Variants in FAM135A observed in about 807,000 individuals in gnomAD.
The protein encoded by FAM135A is protein FAM135A.
A neutral mutation model predicts 146.8 loss-of-function variants in FAM135A; 79 were observed. That is an observed-to-expected ratio of 0.54 (90% CI 0.45 to 0.65). The LOEUF (loss-of-function observed/expected upper bound fraction) is 0.65. Among genes scored for constraint, FAM135A ranks in the 30% least tolerant of loss-of-function variants. The probability of loss-of-function intolerance (pLI) is 0.00; values close to 1 mark genes in which losing one functional copy is unlikely to be tolerated. For missense variants in FAM135A, 1,623 were observed against 1,758.2 expected (o/e 0.92, Z 1.38); for synonymous variants, 562 against 603.6 (o/e 0.93, Z 1.01).
intron 4 of FAM135A, 140 bp from the exon 5 acceptor site, chr6:70,452,352 T>C (rs1022083443): frequency 3.8e-5 from 24 of 625,802 alleles, no homozygotes; most frequent in Admixed American, 2.2e-4. Context: ...ATTTTTTTTT[T>C]CCAACAATAG....
At chr6:70,557,259 G>T in intron 21 of FAM135A, 2 of 280,738 alleles carry the variant, frequency 7.1e-6, no homozygotes, top group Admixed American at 5.0e-5. Context: ...TTGTTCTTTT[G>T]CTATTTGTGA....
intron 12 of FAM135A, among the ~76,000 whole-genome samples, chr6:70,511,459 A>G (rs1279903998): frequency 1.3e-5 from 2 of 151,958 alleles, no homozygotes; most frequent in Non-Finnish European, 2.9e-5. Flanking sequence ...ATTACATGCA[A>G]TGGAAAAAAT....
rs756184214 is a variant in FAM135A, at chr6:70,533,781, A to G, written c.3892A>G (p.Ser1298Gly). The G allele has an allele frequency of 4.5e-5, 72 of 1,587,436 alleles. No individual in the cohort carries two copies. The highest frequency in any genetic ancestry group is 1.7e-4 in the Middle Eastern group (1 of 6,022). The change falls in exon 18 of 22, where the codon AGC (serine) becomes GGC (glycine). Residue 1298 changes from serine (S) to glycine (G), a missense_variant. This residue lies in a region of FAM135A where 1,061 missense variants were observed against 1,113.8 expected (regional missense o/e 0.95). Transcript: ENST00000418814. ...NQNDTFADFD[S>G]MTDRLLDEII... Reference sequence around the variant, plus strand: ...GAATGATACTTTTGCTGATTTTGATAGCATGACTGATCGTCTTTTGGATGA... The same window carrying G: ...GAATGATACTTTTGCTGATTTTGATGGCATGACTGATCGTCTTTTGGATGA...
At chr6:70,414,441 C>G (rs1356281485) in intron 1 of FAM135A, among the ~76,000 whole-genome samples, 3 of 152,102 alleles carry the variant, frequency 2.0e-5, no homozygotes. Flanking sequence ...TGGCCCCTAT[C>G]CTCACGTCCT....
At chr6:70,517,209 A>G (rs1792471867) in intron 12 of FAM135A, among the ~76,000 whole-genome samples, 2 of 152,274 alleles carry the variant, frequency 1.3e-5, no homozygotes, top group African/African-American at 4.8e-5. Flanking sequence ...GTGTATATAT[A>G]CAAACCACAT....
At chr6:70,416,460 T>C (rs1391958872) in intron 2 of FAM135A, among the ~76,000 whole-genome samples, 30 of 152,184 alleles carry the variant, frequency 2.0e-4, no homozygotes, top group Admixed American at 1.7e-3. Context: ...GTTTAGGGGG[T>C]AGAAAAGCCA....
rs914873592 is a variant in FAM135A, at chr6:70,524,120, A to C, written c.1257A>C (p.Glu419Asp). 2 of 1,607,832 alleles carry C rather than the reference A, an allele frequency of 1.2e-6. No homozygotes were observed. Among genetic ancestry groups the C allele is most frequent in the African/African-American group, 2.7e-5 (2 of 74,626 alleles). Residue 419 changes from glutamate to aspartate, a missense_variant and splice_region_variant, in exon 14 of 22, where the codon GAA becomes GAC. By Grantham distance (45) the Glu-to-Asp change is conservative. Coordinates refer to ENST00000418814, the MANE Select transcript of FAM135A (RefSeq NM_001162529.3). The part of the protein sequence containing the change: ...FEDRYLDSVT[E>D]DLDAPWMGIQ... ...ATAGGTATTTAGATTCAGTTACTGA[A>C]GGTAAGTGTAATCTAACTAAAATAT...
intron 21 of FAM135A, chr6:70,557,792 T>C (rs1022450873): frequency 6.6e-6 from 1 of 152,058 alleles, no homozygotes; most frequent in Non-Finnish European, 1.5e-5. Context: ...TCTTAATCCT[T>C]TATTTTTCTA....
At position 70,533,803 on chromosome 6, in the gene FAM135A, A is replaced by G; in HGVS notation, c.3914A>G (p.Asp1305Gly). ...DFDSMTDRLL[D>G]EIIQYIQIYS... Reference sequence around the variant, plus strand: ...GATAGCATGACTGATCGTCTTTTGGATGAGATAATACAGTATATTCAGATA... The same window carrying G: ...GATAGCATGACTGATCGTCTTTTGGGTGAGATAATACAGTATATTCAGATA... Residue 1305 changes from aspartate to glycine, a missense_variant, in exon 18 of 22, where the codon GAT (aspartate) becomes GGT (glycine). Physicochemically the swap from Asp to Gly is moderately conservative, Grantham distance 94. This residue lies in a region of FAM135A where 1,061 missense variants were observed against 1,113.8 expected (regional missense o/e 0.95). Coordinates refer to ENST00000418814, the MANE Select transcript of FAM135A (RefSeq NM_001162529.3). 1 of 1,587,756 alleles carries G rather than the reference A, an allele frequency of 6.3e-7. No homozygotes were observed. Among genetic ancestry groups the G allele is most frequent in the South Asian group, 1.2e-5 (1 of 84,256 alleles).
chr6:70,485,034 C>T (rs1276361054), intron 10 of FAM135A, among the ~76,000 whole-genome samples: 2 of 152,000 alleles, frequency 1.3e-5, no homozygotes, highest in Admixed American at 1.3e-4. Flanking sequence ...AACTTTATTC[C>T]AAATTATTTG....
intron 12 of FAM135A, 88 bp downstream of exon 12, chr6:70,502,879 C>A: frequency 7.7e-7 from 1 of 1,296,976 alleles, no homozygotes; most frequent in Non-Finnish European, 1.1e-6. Context: ...TGATTTTTAC[C>A]TATATATTGA....
chr6:70,414,103 G>A (rs1766935959), intron 1 of FAM135A: 1 of 947,756 alleles, frequency 1.1e-6, no homozygotes, highest in Middle Eastern at 5.4e-4. Context: ...CGCCTCCCAC[G>A]TGTCTTTTTG....
intron 4 of FAM135A, among the ~76,000 whole-genome samples, chr6:70,438,985 C>A (rs780565935): frequency 1.3e-5 from 2 of 152,034 alleles, no homozygotes; most frequent in African/African-American, 2.4e-5. Flanking sequence ...TATAGTGAGG[C>A]CCTATCTACC....
chr6:70,469,048 CT>C (rs1248674464), intron 5 of FAM135A, among the ~76,000 whole-genome samples: 1 of 152,140 alleles, frequency 6.6e-6, no homozygotes, highest in Non-Finnish European at 1.5e-5. Context: ...CCCTCTTTTC[CT>C]TTCTTTATTT....
Position 70,477,224 on chromosome 6 carries a change from A to T in FAM135A, c.434A>T (p.His145Leu), listed in dbSNP as rs1383124303. 1 of 1,613,690 alleles carries T rather than the reference A, an allele frequency of 6.2e-7. No homozygotes were observed. Among genetic ancestry groups the T allele is most frequent in the Non-Finnish European group, 8.5e-7 (1 of 1,179,746 alleles). ...ACATTGAAGCTGCACTTTAGCCCCC[A>T]TAGAGGCCTTCATCATCATGTTAAT... ...SRTLKLHFSP[H>L]RGLHHHVNVM... Residue 145 changes from histidine (H) to leucine (L), a missense_variant, in exon 8 of 22, where the codon CAT becomes CTT. Coordinates refer to ENST00000418814, the MANE Select transcript of FAM135A (RefSeq NM_001162529.3).
At chr6:70,541,968 C>A (rs1374260843) in intron 20 of FAM135A, among the ~76,000 whole-genome samples, 2 of 152,168 alleles carry the variant, frequency 1.3e-5, no homozygotes, top group African/African-American at 4.8e-5. Flanking sequence ...TTTGCCACTG[C>A]CTTAGTTTAG....
At chr6:70,516,191 A>G (rs1792167052) in intron 12 of FAM135A, among the ~76,000 whole-genome samples, 1 of 152,168 alleles carries the variant, frequency 6.6e-6, no homozygotes, top group Non-Finnish European at 1.5e-5. Flanking sequence ...CCGGCTGTAC[A>G]TTTGAATTTC....
chr6:70,527,765 C>T, intron 15 of FAM135A, among the ~76,000 whole-genome samples: 1 of 152,118 alleles, frequency 6.6e-6, no homozygotes, highest in African/African-American at 2.4e-5. Context: ...GTCACATTCC[C>T]CTCTTCGTTC....
intron 4 of FAM135A, among the ~76,000 whole-genome samples, chr6:70,431,312 G>A (rs73474971): frequency 1.3e-5 from 2 of 152,074 alleles, no homozygotes; most frequent in African/African-American, 4.8e-5. Context: ...GGGTGGCTTG[G>A]CTCATCTTTG....
Sources: gnomAD v4.1 joint callset for allele counts (sites outside exome capture counted in the v4.1 genomes callset) on GRCh38, gnomAD v4.1.1 for gene constraint, gnomAD v4.1.1 regional missense constraint, MANE v1.5 for transcripts, NCBI Gene and HGNC (gene_info 2026-07-23, HGNC 2026-07-21) for gene names.